COL11A1: variants seen among roughly 807,000 people sequenced by gnomAD.
The protein encoded by COL11A1 is collagen alpha-1(XI) chain.
In COL11A1, 74 loss-of-function variants were observed where a neutral mutation model predicts 265.2. The ratio of observed to expected loss-of-function variants is 0.28; its 90% CI spans 0.23 to 0.34. The LOEUF (loss-of-function observed/expected upper bound fraction) is 0.34, where lower values mean the gene tolerates loss of function less well. COL11A1 is among the 10% of genes least tolerant of loss of function. The pLI, the probability that COL11A1 is intolerant of heterozygous loss-of-function variation, is 1.00. For missense variants in COL11A1, 2,165 were observed against 2,263.6 expected (o/e 0.96, Z 0.88); for synonymous variants, 816 against 727.6 (o/e 1.12, Z -1.96).
At chr1:102,989,276 G>A (rs150922007) in intron 29 of COL11A1, among the ~76,000 whole-genome samples, 99 of 151,800 alleles carry the variant, frequency 6.5e-4, no homozygotes, top group African/African-American at 1.0e-3. Flanking sequence ...GTGTGCACGC[G>A]TGCATGCTCA....
chr1:102,957,703 T>C (rs565600395), intron 41 of COL11A1, among the ~76,000 whole-genome samples: 77 of 152,224 alleles, frequency 5.1e-4, no homozygotes, highest in African/African-American at 1.9e-3. Flanking sequence ...ACAAAATTGT[T>C]CACAGAGATT....
chr1:103,084,536 T>C (rs557499479), intron 1 of COL11A1, among the ~76,000 whole-genome samples: 3 of 149,744 alleles, frequency 2.0e-5, no homozygotes, highest in South Asian at 4.2e-4. Context: ...GAAGTCCTGA[T>C]ACAGGCTATA....
rs1667514715 is a variant in COL11A1 at position 103,026,320 on chromosome 1, C to T, written c.793G>A (p.Asp265Asn). ...EPQIDEYAPE[D>N]IIEYDYEYGE... The stretch of plus-strand genomic sequence containing the variant: ...TACTCATAGTCATATTCGATTATAT[C>T]CTCTGGTGCATACTACATTGCAAAG... The change falls in exon 6 of 67, where the codon GAT becomes AAT. Residue 265 changes from aspartate (D) to asparagine (N), a missense_variant. Asp to Asn is a conservative substitution (Grantham distance 23). Coordinates refer to ENST00000370096, the MANE Select transcript of COL11A1 (RefSeq NM_001854.4). The T allele has an allele frequency of 6.2e-7, 1 of 1,611,096 alleles. No individual in the cohort carries two copies. The highest frequency in any genetic ancestry group is 8.5e-7 in the Non-Finnish European group (1 of 1,177,346).
chr1:103,050,233 T>TAC (rs1187997000), intron 4 of COL11A1, among the ~76,000 whole-genome samples: 2 of 152,232 alleles, frequency 1.3e-5, no homozygotes, highest in African/African-American at 2.4e-5. Context: ...CACTTTCAGG[T>TAC]ACACCAGTCA....
chr1:102,906,416 T>C (rs573761534), intron 54 of COL11A1, among the ~76,000 whole-genome samples: 41 of 152,282 alleles, frequency 2.7e-4, no homozygotes, highest in African/African-American at 9.6e-4. Flanking sequence ...GGTTTACTTT[T>C]TGTTTTCTTG....
intron 4 of COL11A1, among the ~76,000 whole-genome samples, chr1:103,037,995 C>A (rs75826721): frequency 0.012 from 1,841 of 152,212 alleles, 45 homozygotes; most frequent in African/African-American, 0.042. Flanking sequence ...TAACTTGCAA[C>A]ATACAGGTAT....
Position 102,898,956 on chromosome 1 carries a change from A to G in COL11A1, c.4125T>C (p.Gly1375=). The change falls in exon 55 of 67, where the codon GGT becomes GGC. Residue 1375 remains glycine (G), a synonymous_variant. Coordinates refer to ENST00000370096, the MANE Select transcript of COL11A1 (RefSeq NM_001854.4). ...PGAAGAEGRQ[G]EKGAKGEAGA... ...TTTTTTTTACCTTAGCACCTTTTTC[A>G]CCTTGTCTTCCCTCTGCACCTGCAG... 1 of 1,536,764 alleles carries G rather than the reference A, an allele frequency of 6.5e-7. No homozygotes were observed. Among genetic ancestry groups the G allele is most frequent in the Non-Finnish European group, 8.8e-7 (1 of 1,131,862 alleles).
chr1:103,080,920 T>C (rs952158779), intron 2 of COL11A1, among the ~76,000 whole-genome samples: 2 of 151,796 alleles, frequency 1.3e-5, no homozygotes, highest in Non-Finnish European at 2.9e-5. Context: ...ATCAGGATGT[T>C]GAAGGGATAT....
chr1:102,908,347 G>A (rs950376887), intron 54 of COL11A1, among the ~76,000 whole-genome samples: 1 of 151,868 alleles, frequency 6.6e-6, no homozygotes, highest in Non-Finnish European at 1.5e-5. Flanking sequence ...TTGTTCCAAT[G>A]TCTTCTAAGT....
chr1:103,089,529 G>A (rs1319185431), intron 1 of COL11A1, among the ~76,000 whole-genome samples: 1 of 152,106 alleles, frequency 6.6e-6, no homozygotes, highest in Non-Finnish European at 1.5e-5. Context: ...TCTCTGTTAA[G>A]CATGTAATTT....
chr1:102,953,626 T>C (rs1660100623), intron 41 of COL11A1, among the ~76,000 whole-genome samples: 1 of 152,198 alleles, frequency 6.6e-6, no homozygotes. Flanking sequence ...TGAACAGTTA[T>C]ATATTCCAAA....
At chr1:103,074,399 G>A (rs1671811515) in intron 4 of COL11A1, among the ~76,000 whole-genome samples, 1 of 152,052 alleles carries the variant, frequency 6.6e-6, no homozygotes, top group Non-Finnish European at 1.5e-5. Flanking sequence ...ACCAATCCCT[G>A]TAAATGTTTC....
chr1:103,103,319 T>C (rs1262132715), intron 1 of COL11A1, among the ~76,000 whole-genome samples: 2 of 152,012 alleles, frequency 1.3e-5, no homozygotes, highest in Non-Finnish European at 2.9e-5. Context: ...CATTTTTTAT[T>C]TGAAATAAAT....
Position 102,974,496 on chromosome 1 carries a change from A to C in COL11A1, c.2808+334T>G, listed in dbSNP as rs574356277. On this transcript the variant is annotated intron_variant, in intron 36 of 66. Coordinates refer to ENST00000370096, the MANE Select transcript of COL11A1 (RefSeq NM_001854.4). ...ATTTTGATGATGGAAGATAAAGATA[A>C]ATTCGAATATACCAAATATTTAAGA... Among the ~76,000 whole-genome samples the C allele has an allele frequency of 5.9e-5, 9 of 152,270 alleles. No homozygotes were observed. The East Asian group carries it at 1.7e-3, about 29-fold the overall frequency.
At chr1:103,047,587 C>G (rs1669400264) in intron 4 of COL11A1, among the ~76,000 whole-genome samples, 1 of 152,134 alleles carries the variant, frequency 6.6e-6, no homozygotes, top group Non-Finnish European at 1.5e-5. Flanking sequence ...TAATTGAATA[C>G]CCTTTATTTC....
At chr1:103,070,853 T>C (rs1295604625) in intron 4 of COL11A1, among the ~76,000 whole-genome samples, 2 of 151,972 alleles carry the variant, frequency 1.3e-5, no homozygotes, top group African/African-American at 4.8e-5. Flanking sequence ...AACTTTTAAG[T>C]GTGTATATTG....
chr1:102,954,206 C>T (rs2101499005), intron 41 of COL11A1, among the ~76,000 whole-genome samples: 1 of 152,238 alleles, frequency 6.6e-6, no homozygotes, highest in South Asian at 2.1e-4. Context: ...GCAGCCCTTC[C>T]CCTAAATCCT....
At chr1:102,969,243 G>A (rs1165907378) in intron 37 of COL11A1, among the ~76,000 whole-genome samples, 1 of 152,146 alleles carries the variant, frequency 6.6e-6, no homozygotes, top group Admixed American at 6.5e-5. Context: ...AAAATTGGGT[G>A]GCTGCTGACA....
chr1:102,962,827 AAAACAG>A, intron 38 of COL11A1, 67 bp from the exon 39 acceptor site: 1 of 1,407,696 alleles, frequency 7.1e-7, no homozygotes, highest in South Asian at 1.2e-5. Flanking sequence ...CACAAACTCA[AAAACAG>A]TATTATTACA....
Sources: allele counts gnomAD v4.1 joint callset (sites outside exome capture counted in the v4.1 genomes callset), GRCh38; gene constraint gnomAD v4.1.1; transcripts MANE v1.5; gene names NCBI Gene and HGNC (gene_info 2026-07-23, HGNC 2026-07-21).